The following JADE2 variants were observed in gnomAD, a reference collection of about 807,000 sequenced individuals.
JADE2 encodes the protein E3 ubiquitin-protein ligase Jade-2.
A neutral mutation model predicts 85.7 loss-of-function variants in JADE2; 13 were observed. The observed-to-expected ratio is 0.15, with a 90% CI of 0.10 to 0.24. The LOEUF (loss-of-function observed/expected upper bound fraction) is 0.24, where lower values mean the gene tolerates loss of function less well. JADE2 is among the 10% of genes least tolerant of loss of function. The probability of loss-of-function intolerance (pLI) is 1.00; values close to 1 mark genes in which losing one functional copy is unlikely to be tolerated. For synonymous variants in JADE2, 440 were observed against 456.1 expected (o/e 0.96, Z 0.45); for missense variants, 846 against 1,115.9 (o/e 0.76, Z 3.45).
At chr5:134,565,355 TATC>T (rs1269129225) in intron 8 of JADE2, among the ~76,000 whole-genome samples, 3 of 152,216 alleles carry the variant, frequency 2.0e-5, no homozygotes, top group Non-Finnish European at 2.9e-5. Context: ...CTGACACAGT[TATC>T]ATCATCCAAG....
chr5:134,535,515 T>G (rs1761530066), intron 1 of JADE2, among the ~76,000 whole-genome samples: 1 of 152,132 alleles, frequency 6.6e-6, no homozygotes, highest in African/African-American at 2.4e-5. Flanking sequence ...TGGGCCTGAG[T>G]GTCCTTGGGT....
At chr5:134,529,467 C>G (rs1262958752) in intron 1 of JADE2, among the ~76,000 whole-genome samples, 1 of 152,188 alleles carries the variant, frequency 6.6e-6, no homozygotes. Flanking sequence ...GTGCAGTTAC[C>G]AACTGTCATA....
In JADE2 at chr5:134,579,486, T is replaced by C. The variant is rs1764594982; in HGVS notation, c.*169T>C. ...GAGTTTTGAATTCTACACTGTTGTC[T>C]TTCCTCTGTGCTGGCCTAGGACATT... On this transcript the variant is annotated 3_prime_UTR_variant, in exon 12 of 12. Coordinates refer to ENST00000681547, the MANE Select transcript of JADE2 (RefSeq NM_001388185.1). This position sits in a 1 kb window ranked among gnomAD's most constrained non-coding sequence, Gnocchi z 4.6. 1.6e-6 allele frequency: 1 copy of C among 611,050 alleles called. No homozygotes were observed. The highest frequency in any genetic ancestry group is 2.1e-5 in the South Asian group (1 of 47,422). 37.9% of individuals were successfully genotyped at this position (611,050 alleles called of 1,614,324 possible).
chr5:134,537,065 C>T (rs1761636545), intron 2 of JADE2, among the ~76,000 whole-genome samples: 1 of 152,226 alleles, frequency 6.6e-6, no homozygotes, highest in African/African-American at 2.4e-5. Flanking sequence ...CAGCATCTGG[C>T]CTTTTGTGGC....
chr5:134,557,268 ATT>A (rs59125974), intron 4 of JADE2, among the ~76,000 whole-genome samples: 63,259 of 137,748 alleles, frequency 0.46, 14,223 homozygotes, highest in East Asian at 0.68. Context: ...TTATTTTTTT[ATT>A]TTTTTTTTTA....
At chr5:134,571,960 G>A (rs989549658) in intron 9 of JADE2, among the ~76,000 whole-genome samples, 17 of 152,224 alleles carry the variant, frequency 1.1e-4, no homozygotes, top group Non-Finnish European at 2.1e-4. Flanking sequence ...AGTGTGGGTC[G>A]GAGCCACCTG....
At chr5:134,576,047 A>G (rs921368900) in intron 10 of JADE2, among the ~76,000 whole-genome samples, 1 of 152,160 alleles carries the variant, frequency 6.6e-6, no homozygotes, top group Non-Finnish European at 1.5e-5. Context: ...CAAAATTTGA[A>G]AATTAGCCGG....
chr5:134,549,248 G>C (rs1223302608), intron 3 of JADE2, among the ~76,000 whole-genome samples: 2 of 152,104 alleles, frequency 1.3e-5, no homozygotes, highest in Admixed American at 6.5e-5. Context: ...CCAGGGCCGG[G>C]CGCGGTGGCT....
Position 134,559,821 on chromosome 5 carries a change from A to G in JADE2, c.312-9A>G, listed in dbSNP as rs751232762. Reference sequence around the variant, plus strand: ...CCTCCCTTCATGACATCCTGTCTTGATTTTCTAGGATCCTCCCACCACTGG... The same window carrying G: ...CCTCCCTTCATGACATCCTGTCTTGGTTTTCTAGGATCCTCCCACCACTGG... On this transcript the variant is annotated splice_polypyrimidine_tract_variant and intron_variant, in intron 4 of 11. Coordinates refer to ENST00000681547, the MANE Select transcript of JADE2 (RefSeq NM_001388185.1). 14 of 1,603,882 alleles carry G rather than the reference A, an allele frequency of 8.7e-6. No individual in the cohort carries two copies. The East Asian group carries it at 3.1e-4, about 36-fold the overall frequency.
Position 134,541,813 on chromosome 5 carries a change from C to T in JADE2, c.153+3730C>T, listed in dbSNP as rs1761979701. Among the ~76,000 whole-genome samples the T allele has an allele frequency of 2.0e-5, 3 of 152,208 alleles. No individual in the cohort carries two copies. The South Asian group carries it at 6.2e-4, about 31-fold the overall frequency. ...GATGACCTCTCAGGGGCTGCCCTTT[C>T]CCAGTGCACCCTAAGGGCGCAAGCC... On this transcript the variant is annotated intron_variant, in intron 3 of 11. Transcript: ENST00000681547.
intron 3 of JADE2, among the ~76,000 whole-genome samples, chr5:134,538,951 G>T (rs906841990): frequency 1.3e-5 from 2 of 151,650 alleles, no homozygotes; most frequent in Non-Finnish European, 2.9e-5. Flanking sequence ...CTGCCTCCTG[G>T]GTTCAAATGC....
chr5:134,531,364 T>C (rs1761223065), intron 1 of JADE2, among the ~76,000 whole-genome samples: 2 of 152,106 alleles, frequency 1.3e-5, no homozygotes, highest in Non-Finnish European at 2.9e-5. Context: ...TTAGGCTTTG[T>C]CTTTTGATCT....
chr5:134,525,593 G>GCCCCCACCCCA (rs1760746606), upstream of JADE2: 14 of 64,524 alleles, frequency 2.2e-4, no homozygotes, highest in South Asian at 1.2e-3. Context: ...CCTCCTGCCC[G>GCCCCCACCCCA]CCCCCACCCC....
At chr5:134,558,625 G>A (rs534577055) in intron 4 of JADE2, among the ~76,000 whole-genome samples, 155 of 152,314 alleles carry the variant, frequency 1.0e-3, no homozygotes, top group African/African-American at 3.6e-3. Context: ...CACAGCCTCC[G>A]CCTCCCGGGT....
intron 1 of JADE2, among the ~76,000 whole-genome samples, chr5:134,534,528 G>A (rs1761461066): frequency 6.6e-6 from 1 of 152,038 alleles, no homozygotes; most frequent in South Asian, 2.1e-4. Context: ...AAGGCAGGAG[G>A]GCCATCCTGG....
rs377573373 is a variant in JADE2 at position 134,564,443 on chromosome 5, G to A, written c.853-51G>A. 12 of 1,287,680 alleles carry A rather than the reference G, an allele frequency of 9.3e-6. No homozygotes were observed. In the African/African-American group the frequency reaches 1.0e-4, roughly 11 times the overall value. The allele number at this position is 1,287,680 out of a possible 1,614,324, so 79.8% of individuals were successfully genotyped here. On this transcript the variant is annotated intron_variant, in intron 7 of 11. Transcript: ENST00000681547. Reference sequence around the variant, plus strand: ...CAAACCCCCATTTTGGAGATCCCTGGAGGCAGGCTGGGGATGAGAGGAATG... The same window carrying A: ...CAAACCCCCATTTTGGAGATCCCTGAAGGCAGGCTGGGGATGAGAGGAATG...
At chr5:134,550,561 C>T (rs559670150) in intron 3 of JADE2, among the ~76,000 whole-genome samples, 4 of 152,322 alleles carry the variant, frequency 2.6e-5, no homozygotes, top group South Asian at 2.1e-4. Context: ...TTTCTCTTGT[C>T]TCAGTGATGT....
chr5:134,564,179 C>A, intron 7 of JADE2: 1 of 210,268 alleles, frequency 4.8e-6, no homozygotes, highest in Non-Finnish European at 9.5e-6. Flanking sequence ...TGTCAAGGCC[C>A]ACGCAGTCTT....
chr5:134,579,427 C>A lies in JADE2; in HGVS notation c.*110C>A. The A allele has an allele frequency of 1.2e-6, 1 of 814,720 alleles. No homozygotes were observed. The allele number at this position is 814,720 out of a possible 1,614,324, so 50.5% of individuals were successfully genotyped here. On this transcript the variant is annotated 3_prime_UTR_variant, in exon 12 of 12. Coordinates refer to ENST00000681547, the MANE Select transcript of JADE2 (RefSeq NM_001388185.1). The surrounding 1 kb of genome is among the most constrained non-coding windows in gnomAD (Gnocchi z 4.6). ...TGAGTGTCCCAGACCCTCGAGGCTG[C>A]CACTCCGTCGTGGTTTTATTTTTAA...
Sources: gnomAD v4.1 joint callset for allele counts (sites outside exome capture counted in the v4.1 genomes callset) on GRCh38, gnomAD v4.1.1 for gene constraint, Gnocchi (gnomAD v3.1) non-coding constraint, MANE v1.5 for transcripts, NCBI Gene and HGNC (gene_info 2026-07-23, HGNC 2026-07-21) for gene names.